The following WDPCP variants were observed in gnomAD, a reference collection of about 807,000 sequenced individuals.
The protein encoded by WDPCP is WD repeat containing planar cell polarity effector, also known as WD repeat-containing and planar cell polarity effector protein fritz homolog.
Under a neutral mutation model 93.1 loss-of-function variants are expected in WDPCP, and 71 were observed. The observed-to-expected ratio is 0.76, with a 90% CI of 0.63 to 0.93. The LOEUF (loss-of-function observed/expected upper bound fraction) is 0.93. Among genes scored for constraint, WDPCP ranks in the 40% least tolerant of loss-of-function variants. WDPCP has a pLI of 0.00. For missense variants in WDPCP, 844 were observed against 887.4 expected (o/e 0.95, Z 0.62); for synonymous variants, 315 against 315.0 (o/e 1.00, Z 0.00).
intron 14 of WDPCP, among the ~76,000 whole-genome samples, chr2:63,223,583 G>A (rs928142566): frequency 6.6e-6 from 1 of 152,096 alleles, no homozygotes; most frequent in African/African-American, 2.4e-5. Context: ...CGAAACATAA[G>A]ACTCACTACA....
chr2:63,622,919 C>G (rs1020810307), intron 3 of WDPCP: 5 of 1,085,334 alleles, frequency 4.6e-6, no homozygotes, highest in Non-Finnish European at 6.7e-6. Context: ...GGCCGGGGCT[C>G]GGCGCACACC....
At chr2:63,248,071 T>C (rs931322017) in intron 14 of WDPCP, among the ~76,000 whole-genome samples, 1 of 152,322 alleles carries the variant, frequency 6.6e-6, no homozygotes, top group East Asian at 1.9e-4. Context: ...TTGTTATTCA[T>C]GTCACAAATT....
chr2:63,794,965 C>T (rs1670593392), intron 2 of WDPCP, among the ~76,000 whole-genome samples: 1 of 152,094 alleles, frequency 6.6e-6, no homozygotes, highest in African/African-American at 2.4e-5. Context: ...CTTGTGTAGC[C>T]AAGAGAGAAG....
intron 12 of WDPCP, among the ~76,000 whole-genome samples, chr2:63,352,425 ATAAAT>A (rs1420459670): frequency 1.3e-5 from 2 of 152,276 alleles, no homozygotes; most frequent in African/African-American, 4.8e-5. Flanking sequence ...GATTACAGTG[ATAAAT>A]TAATGTATGG....
intron 2 of WDPCP, among the ~76,000 whole-genome samples, chr2:63,764,544 C>T (rs987849707): frequency 3.3e-5 from 5 of 152,120 alleles, no homozygotes; most frequent in African/African-American, 9.7e-5. Flanking sequence ...AATTGTCAAA[C>T]ACCACGCAAA....
At chr2:63,214,983 C>G (rs186047893) in intron 14 of WDPCP, among the ~76,000 whole-genome samples, 1 of 152,216 alleles carries the variant, frequency 6.6e-6, no homozygotes, top group East Asian at 1.9e-4. Flanking sequence ...AGGACACAAA[C>G]AAATGGAAGA....
chr2:63,686,577 G>GAA (rs35498406), intron 2 of WDPCP, among the ~76,000 whole-genome samples: 7 of 151,684 alleles, frequency 4.6e-5, no homozygotes, highest in South Asian at 2.1e-4. Context: ...CAGAGAAATA[G>GAA]AAAAAAAATC....
chr2:63,510,125 C>CA (rs1317424646), intron 1 of WDPCP, among the ~76,000 whole-genome samples: 1 of 151,912 alleles, frequency 6.6e-6, no homozygotes, highest in Non-Finnish European at 1.5e-5. Context: ...AGAGACACAA[C>CA]AAAAAAAGAA....
At chr2:63,700,818 C>T (rs540624708) in intron 2 of WDPCP, among the ~76,000 whole-genome samples, 4 of 152,192 alleles carry the variant, frequency 2.6e-5, no homozygotes, top group East Asian at 1.9e-4. Flanking sequence ...GATAACCATA[C>T]GCAGAAGATT....
At chr2:63,652,809 T>C (rs1710123034) in intron 2 of WDPCP, among the ~76,000 whole-genome samples, 1 of 152,184 alleles carries the variant, frequency 6.6e-6, no homozygotes, top group Non-Finnish European at 1.5e-5. Flanking sequence ...CTTTATCCTA[T>C]TTGTTCTCAG....
At chr2:63,638,800 A>T (rs1029115058) in intron 3 of WDPCP, among the ~76,000 whole-genome samples, 5 of 148,154 alleles carry the variant, frequency 3.4e-5, no homozygotes, top group Admixed American at 3.3e-4. Context: ...AAAAAAAGAA[A>T]AAAAAAAAAG....
intron 17 of WDPCP, among the ~76,000 whole-genome samples, chr2:63,142,923 TACACACACACAC>T (rs1242494155): frequency 9.5e-6 from 1 of 105,758 alleles, no homozygotes; most frequent in East Asian, 4.3e-4. Flanking sequence ...CACATACATA[TACACACACACAC>T]ACACACACAC....
At chr2:63,482,748 G>A (rs1700343036) in intron 6 of WDPCP, among the ~76,000 whole-genome samples, 1 of 151,862 alleles carries the variant, frequency 6.6e-6, no homozygotes, top group African/African-American at 2.4e-5. Flanking sequence ...AAGTTATCTT[G>A]TTAAAATATA....
intron 17 of WDPCP, among the ~76,000 whole-genome samples, chr2:63,147,254 G>A (rs1369944652): frequency 3.3e-5 from 5 of 152,184 alleles, no homozygotes; most frequent in African/African-American, 4.8e-5. Context: ...GTGGAGGCTA[G>A]ATTTCAGGAG....
At position 63,379,661 on chromosome 2, in the gene WDPCP, A is replaced by T. The variant is rs189107386; in HGVS notation, c.1625-1152T>A. Among the ~76,000 whole-genome samples the T allele has an allele frequency of 2.0e-4, 31 of 152,300 alleles. No homozygotes were observed. In the East Asian group the frequency reaches 5.8e-3, roughly 28 times the overall value. On this transcript the variant is annotated intron_variant, in intron 11 of 17. Coordinates refer to ENST00000272321, the MANE Select transcript of WDPCP (RefSeq NM_015910.7). ...TAACTCCCAGCACAGCTGTAGATTC[A>T]TTAGATAGCCCAGCTTGATGTTTAA... is the stretch of plus-strand genomic sequence containing the variant.
At chr2:63,237,668 C>T (rs61271282) in intron 14 of WDPCP, among the ~76,000 whole-genome samples, 1 of 152,078 alleles carries the variant, frequency 6.6e-6, no homozygotes, top group Non-Finnish European at 1.5e-5. Context: ...GAAATCATGT[C>T]CTTTGCAGCA....
chr2:63,807,700 T>C (rs1310609994), intron 2 of WDPCP, among the ~76,000 whole-genome samples: 3 of 152,340 alleles, frequency 2.0e-5, no homozygotes, highest in Admixed American at 6.5e-5. Context: ...TGTTTTCCTC[T>C]TTCAAAATCT....
chr2:63,589,183 T>A (rs1709093851), upstream of WDPCP: 2 of 1,605,528 alleles, frequency 1.2e-6, no homozygotes, highest in Admixed American at 1.7e-5. Context: ...CGGACTCATC[T>A]TCTGGGGATT....
At chr2:63,240,222 A>T (rs960953683) in intron 14 of WDPCP, among the ~76,000 whole-genome samples, 7 of 152,094 alleles carry the variant, frequency 4.6e-5, no homozygotes, top group Non-Finnish European at 1.0e-4. Flanking sequence ...TCTGTTGCCC[A>T]GGCTGGAGTG....
Sources: allele counts gnomAD v4.1 joint callset (sites outside exome capture counted in the v4.1 genomes callset), GRCh38; gene constraint gnomAD v4.1.1; transcripts MANE v1.5; gene names NCBI Gene and HGNC (gene_info 2026-07-23, HGNC 2026-07-21).